The following GALNTL6 variants were observed in gnomAD, a reference collection of about 807,000 sequenced individuals.
GALNTL6 encodes polypeptide N-acetylgalactosaminyltransferase like 6, also known as polypeptide N-acetylgalactosaminyltransferase-like 6.
Under a neutral mutation model 73.7 loss-of-function variants are expected in GALNTL6, and 46 were observed. The observed-to-expected ratio is 0.62, with a 90% CI of 0.49 to 0.80. The LOEUF (loss-of-function observed/expected upper bound fraction) is 0.80. Ranked by LOEUF, GALNTL6 falls within the 30% of genes least tolerant of loss-of-function variation. The probability of loss-of-function intolerance (pLI) is 0.00; values close to 1 mark genes in which losing one functional copy is unlikely to be tolerated. For synonymous variants in GALNTL6, 259 were observed against 263.7 expected (o/e 0.98, Z 0.17); for missense variants, 604 against 755.0 (o/e 0.80, Z 2.34).
chr4:172,021,348 G>T (rs1741394774), intron 2 of GALNTL6, among the ~76,000 whole-genome samples: 1 of 151,916 alleles, frequency 6.6e-6, no homozygotes, highest in African/African-American at 2.4e-5. Flanking sequence ...AATTATCCTT[G>T]TTTGCACATG....
At chr4:172,451,065 C>T (rs1732191290) in intron 5 of GALNTL6, among the ~76,000 whole-genome samples, 1 of 152,182 alleles carries the variant, frequency 6.6e-6, no homozygotes, top group Admixed American at 6.5e-5. Context: ...AGTATGCATC[C>T]TGTGAAGGTT....
At chr4:172,921,761 T>C (rs1747800569) in intron 8 of GALNTL6, among the ~76,000 whole-genome samples, 1 of 139,470 alleles carries the variant, frequency 7.2e-6, no homozygotes, top group Non-Finnish European at 1.5e-5. Context: ...CTCACTGCAC[T>C]CCAGCCAGGG....
chr4:171,833,676 T>C (rs955559059), intron 2 of GALNTL6, among the ~76,000 whole-genome samples: 2 of 151,890 alleles, frequency 1.3e-5, no homozygotes, highest in African/African-American at 4.8e-5. Flanking sequence ...CATAATATAA[T>C]GTCCGATTTC....
At chr4:172,423,889 A>C (rs1180172045) in intron 5 of GALNTL6, among the ~76,000 whole-genome samples, 1 of 152,118 alleles carries the variant, frequency 6.6e-6, no homozygotes, top group Non-Finnish European at 1.5e-5. Flanking sequence ...AAGCAAAGCA[A>C]AACTATAGTA....
intron 5 of GALNTL6, among the ~76,000 whole-genome samples, chr4:172,777,474 A>T (rs1739134761): frequency 6.6e-6 from 1 of 152,228 alleles, no homozygotes; most frequent in Admixed American, 6.5e-5. Context: ...AAATTGAGAT[A>T]TTGGAAACTT....
chr4:172,214,371 A>T (rs1467200962), intron 2 of GALNTL6, among the ~76,000 whole-genome samples: 4 of 149,840 alleles, frequency 2.7e-5, no homozygotes, highest in African/African-American at 9.8e-5. Context: ...AGTCTTCTCT[A>T]TTTTTTTTTC....
At chr4:172,557,305 G>A (rs1736184388) in intron 5 of GALNTL6, among the ~76,000 whole-genome samples, 1 of 152,066 alleles carries the variant, frequency 6.6e-6, no homozygotes, top group Non-Finnish European at 1.5e-5. Context: ...AAGCCTTTTA[G>A]AAGAAAACAT....
At chr4:172,823,600 T>A (rs142257266) in intron 7 of GALNTL6, among the ~76,000 whole-genome samples, 2 of 152,312 alleles carry the variant, frequency 1.3e-5, no homozygotes, top group African/African-American at 2.4e-5. Flanking sequence ...GTGGCAGGAC[T>A]GAGCACAATT....
At chr4:172,570,857 G>A (rs1736733174) in intron 5 of GALNTL6, among the ~76,000 whole-genome samples, 2 of 152,132 alleles carry the variant, frequency 1.3e-5, no homozygotes, top group African/African-American at 4.8e-5. Flanking sequence ...ATCTGGGGGT[G>A]ATGGGAGACA....
intron 5 of GALNTL6, among the ~76,000 whole-genome samples, chr4:172,607,548 G>C (rs1738355581): frequency 6.6e-6 from 1 of 152,144 alleles, no homozygotes; most frequent in East Asian, 1.9e-4. Flanking sequence ...GTGAATGGTG[G>C]TGCATTGAAC....
At chr4:172,361,049 TGATGATTAA>T (rs992388880) in intron 5 of GALNTL6, among the ~76,000 whole-genome samples, 3 of 152,128 alleles carry the variant, frequency 2.0e-5, no homozygotes, top group African/African-American at 7.2e-5. Flanking sequence ...TGTTAACACC[TGATGATTAA>T]GAATTGTGTG....
At chr4:172,317,904 TA>T (rs1234653078) in intron 4 of GALNTL6, among the ~76,000 whole-genome samples, 1 of 152,122 alleles carries the variant, frequency 6.6e-6, no homozygotes, top group Non-Finnish European at 1.5e-5. Context: ...AGAAGCAAAA[TA>T]AACTAAAATG....
chr4:172,623,561 T>G (rs1560841128), intron 5 of GALNTL6, among the ~76,000 whole-genome samples: 1 of 152,118 alleles, frequency 6.6e-6, no homozygotes, highest in Non-Finnish European at 1.5e-5. Flanking sequence ...AGGTACCTAC[T>G]AAAAAGAACC....
At chr4:172,871,067 T>A (rs1186010338) in intron 7 of GALNTL6, among the ~76,000 whole-genome samples, 15 of 152,066 alleles carry the variant, frequency 9.9e-5, no homozygotes, top group African/African-American at 3.6e-4. Flanking sequence ...AGAAAAAAAT[T>A]TTTTTAAGTA....
chr4:172,212,830 G>C (rs1334928022), intron 2 of GALNTL6, among the ~76,000 whole-genome samples: 1 of 152,014 alleles, frequency 6.6e-6, no homozygotes, highest in African/African-American at 2.4e-5. Context: ...ACCACGCCCG[G>C]CTAATTTTTT....
At chr4:171,843,358 C>G (rs960083051) in intron 2 of GALNTL6, among the ~76,000 whole-genome samples, 13 of 151,952 alleles carry the variant, frequency 8.6e-5, no homozygotes, top group African/African-American at 2.9e-4. Context: ...AGGGACATAC[C>G]TTCTTGCAAT....
intron 5 of GALNTL6, among the ~76,000 whole-genome samples, chr4:172,396,641 A>C (rs180920488): frequency 6.6e-6 from 1 of 152,238 alleles, no homozygotes; most frequent in Admixed American, 6.5e-5. Flanking sequence ...TTTGACTACA[A>C]CCATAGCTCA....
intron 3 of GALNTL6, among the ~76,000 whole-genome samples, chr4:172,237,016 T>G (rs1169253092): frequency 6.6e-6 from 1 of 152,230 alleles, no homozygotes; most frequent in Non-Finnish European, 1.5e-5. Context: ...GGTCTCCAGC[T>G]CCATCCATGT....
intron 8 of GALNTL6, among the ~76,000 whole-genome samples, chr4:172,891,100 G>A (rs1746004914): frequency 6.8e-6 from 1 of 147,472 alleles, no homozygotes; most frequent in South Asian, 2.1e-4. Context: ...TTGGTCTCTT[G>A]AAGACAGCAG....
Sources: gnomAD v4.1 joint callset for allele counts (sites outside exome capture counted in the v4.1 genomes callset) on GRCh38, gnomAD v4.1.1 for gene constraint, MANE v1.5 for transcripts, NCBI Gene and HGNC (gene_info 2026-07-23, HGNC 2026-07-21) for gene names.